Variants in OPTN observed in about 807,000 individuals in gnomAD.
OPTN encodes E3-14.7K-interacting protein.
A neutral mutation model predicts 70.4 loss-of-function variants in OPTN; 54 were observed. The observed-to-expected ratio is 0.77, with a 90% CI of 0.62 to 0.96. The LOEUF (loss-of-function observed/expected upper bound fraction) is 0.96. Ranked by LOEUF, OPTN falls within the 40% of genes least tolerant of loss-of-function variation. OPTN has a pLI of 0.00. For missense variants in OPTN, 624 were observed against 673.2 expected (o/e 0.93, Z 0.81); for synonymous variants, 256 against 248.5 (o/e 1.03, Z -0.28).
At chr10:13,133,443 T>G (rs1833633346) in intron 13 of OPTN, 59 bp from the exon 14 acceptor site, 1 of 1,397,680 alleles carries the variant, frequency 7.2e-7, no homozygotes, top group Admixed American at 1.7e-5. Context: ...GTCTGCTCAG[T>G]GTTGTCATGT....
chr10:13,101,927 T>C (rs1303907773), intron 1 of OPTN, among the ~76,000 whole-genome samples: 2 of 152,248 alleles, frequency 1.3e-5, no homozygotes, highest in Non-Finnish European at 2.9e-5. Flanking sequence ...TATTTTCATT[T>C]CATTTCAACC....
chr10:13,135,989 C>T (rs1043556845), intron 14 of OPTN, among the ~76,000 whole-genome samples: 1 of 152,094 alleles, frequency 6.6e-6, no homozygotes, highest in Non-Finnish European at 1.5e-5. Context: ...GAGTTCAGAA[C>T]CAGCCTGGGC....
Position 13,125,949 on chromosome 10 carries a change from C to G in OPTN, c.1152C>G (p.Ser384=). The G allele has an allele frequency of 6.2e-7, 1 of 1,603,500 alleles. No individual in the cohort carries two copies. The highest frequency in any genetic ancestry group is 8.5e-7 in the Non-Finnish European group (1 of 1,170,656). Residue 384 remains serine (S), a synonymous_variant, in exon 11 of 15, where the codon TCC becomes TCG. Coordinates refer to ENST00000378747, the MANE Select transcript of OPTN (RefSeq NM_001008212.2). ...TTTTTAATATCTTTTTTAATAGGTCCAAATTAACTGTGCTACAGATGACAC... is the reference window on the plus strand; with the variant it reads ...TTTTTAATATCTTTTTTAATAGGTCGAAATTAACTGTGCTACAGATGACAC... ...MEQAKTEDEK[S]KLTVLQMTHN...
At chr10:13,122,547 C>T (rs903595467) in intron 8 of OPTN, 60 bp downstream of exon 8, 17 of 1,113,276 alleles carry the variant, frequency 1.5e-5, no homozygotes, top group Non-Finnish European at 2.2e-5. Context: ...AGTCCAGCCA[C>T]TGAATTCAAA....
intron 5 of OPTN, among the ~76,000 whole-genome samples, chr10:13,115,429 AT>A (rs1317719368): frequency 2.8e-5 from 3 of 106,222 alleles, no homozygotes; most frequent in African/African-American, 8.4e-5. Context: ...AATATATATA[AT>A]ATAGAATATA....
chr10:13,110,491 C>G lies in OPTN; in HGVS notation c.369+15C>G. On this transcript the variant is annotated intron_variant, in intron 4 of 14. Coordinates refer to ENST00000378747, the MANE Select transcript of OPTN (RefSeq NM_001008212.2). Reference sequence around the variant, plus strand: ...GGTCATCTGAGGTGAGCAGACCGATCCATTGTGATGTTGTTTTTTTTTTTT... The same window carrying G: ...GGTCATCTGAGGTGAGCAGACCGATGCATTGTGATGTTGTTTTTTTTTTTT... 6.3e-7 allele frequency: 1 copy of G among 1,583,812 alleles called. No homozygotes were observed. Among genetic ancestry groups the G allele is most frequent in the Non-Finnish European group, 8.6e-7 (1 of 1,166,638 alleles).
chr10:13,101,438 C>T (rs895379182), intron 1 of OPTN, among the ~76,000 whole-genome samples: 8 of 113,308 alleles, frequency 7.1e-5, no homozygotes, highest in Non-Finnish European at 1.3e-4. Flanking sequence ...ACTTTATTCT[C>T]GAGGGCAACT....
chr10:13,120,558 G>C (rs965002218), intron 7 of OPTN, among the ~76,000 whole-genome samples: 7 of 147,752 alleles, frequency 4.7e-5, no homozygotes, highest in African/African-American at 1.8e-4. Context: ...GTGACAGAGT[G>C]AGACTCTGTC....
chr10:13,128,582 G>A (rs557386226), intron 12 of OPTN, among the ~76,000 whole-genome samples: 4 of 122,740 alleles, frequency 3.3e-5, no homozygotes, highest in South Asian at 2.8e-4. Flanking sequence ...TTGCTCTGTC[G>A]CCCAGGCTGG....
chr10:13,122,911 G>A (rs988764992), intron 8 of OPTN: 9 of 225,720 alleles, frequency 4.0e-5, no homozygotes, highest in Admixed American at 1.0e-4. Flanking sequence ...TCTTGACCTC[G>A]TGATCCTCCC....
Position 13,103,949 on chromosome 10 carries a change from A to G in OPTN, c.-164+3647A>G, listed in dbSNP as rs187349948. 5.9e-5 allele frequency among the ~76,000 whole-genome samples: 9 copies of G among 152,318 alleles called. No individual in the cohort carries two copies. The South Asian group carries it at 6.2e-4, about 11-fold the overall frequency. ...CCTAGAAATAACATACTTCACATCTAGGTCAGTTGATTATGGGAAACTCTG... is the reference window on the plus strand; with the variant it reads ...CCTAGAAATAACATACTTCACATCTGGGTCAGTTGATTATGGGAAACTCTG... On this transcript the variant is annotated intron_variant, in intron 1 of 14. Transcript: ENST00000378747.
chr10:13,104,233 C>G (rs1211254754), intron 1 of OPTN, among the ~76,000 whole-genome samples: 1 of 148,048 alleles, frequency 6.8e-6, no homozygotes, highest in African/African-American at 2.5e-5. Context: ...CATCCAAAAT[C>G]AGTTAAATTA....
chr10:13,123,738 T>G (rs1330765687), intron 8 of OPTN, among the ~76,000 whole-genome samples: 4 of 152,192 alleles, frequency 2.6e-5, no homozygotes, highest in African/African-American at 7.2e-5. Flanking sequence ...AGCGATAAAG[T>G]CATTATCCCA....
At chr10:13,118,743 G>A (rs1833275456) in intron 6 of OPTN, 145 bp from the exon 7 acceptor site, 1 of 753,914 alleles carries the variant, frequency 1.3e-6, no homozygotes, top group South Asian at 1.6e-5. Flanking sequence ...CCCAGGACCA[G>A]CTGTGCTTGT....
At chr10:13,136,598 G>A in intron 14 of OPTN, 147 bp from the exon 15 acceptor site, 1 of 846,444 alleles carries the variant, frequency 1.2e-6, no homozygotes, top group Non-Finnish European at 1.9e-6. Context: ...GATGACTTCA[G>A]TTAAAGACCA....
intron 11 of OPTN, among the ~76,000 whole-genome samples, chr10:13,126,283 C>CTTT (rs61018153): frequency 1.4e-5 from 2 of 139,072 alleles, no homozygotes; most frequent in Admixed American, 7.1e-5. Flanking sequence ...CTTCGTATTT[C>CTTT]TTTTTTTTTT....
chr10:13,118,119 A>G (rs944497671), intron 6 of OPTN, among the ~76,000 whole-genome samples: 3 of 152,232 alleles, frequency 2.0e-5, no homozygotes, highest in African/African-American at 7.2e-5. Flanking sequence ...ACAGCTCTGT[A>G]CCATTTGTGA....
chr10:13,101,417 C>G (rs532811868), intron 1 of OPTN, among the ~76,000 whole-genome samples: 1 of 143,712 alleles, frequency 7.0e-6, no homozygotes, highest in Non-Finnish European at 1.5e-5. Flanking sequence ...CACCCACCCC[C>G]GGAAAACCAA....
At chr10:13,100,424 T>G (rs1588426648) in intron 1 of OPTN, 122 bp downstream of exon 1, 1 of 149,946 alleles carries the variant, frequency 6.7e-6, no homozygotes, top group Non-Finnish European at 1.5e-5. Flanking sequence ...CCTGTCGGGG[T>G]GAGGGTGGCG....
Sources: allele counts gnomAD v4.1 joint callset (sites outside exome capture counted in the v4.1 genomes callset), GRCh38; gene constraint gnomAD v4.1.1; transcripts MANE v1.5; gene names NCBI Gene and HGNC (gene_info 2026-07-23, HGNC 2026-07-21).